Variants in LMX1A observed in about 807,000 individuals in gnomAD.
LMX1A encodes LIM homeobox transcription factor 1 alpha, also known as LIM homeobox transcription factor 1-alpha.
In LMX1A, 15 loss-of-function variants were observed where a neutral mutation model predicts 49.1. That is an observed-to-expected ratio of 0.31 (90% CI 0.20 to 0.47). The LOEUF is 0.47. Ranked by LOEUF, LMX1A falls within the 20% of genes least tolerant of loss-of-function variation. LMX1A has a pLI of 1.00. For synonymous variants in LMX1A, 167 were observed against 185.7 expected (o/e 0.90, Z 0.82); for missense variants, 372 against 475.8 (o/e 0.78, Z 2.03).
Position 165,353,089 on chromosome 1 carries a change from A to G in LMX1A, c.250T>C (p.Tyr84His), listed in dbSNP as rs1052234781. 7.4e-6 allele frequency: 12 copies of G among 1,614,178 alleles called. No homozygotes were observed. The highest frequency in any genetic ancestry group is 1.7e-5 in the Admixed American group (1 of 60,034). Residue 84 changes from tyrosine to histidine, a missense_variant, in exon 3 of 9, where the codon TAT (tyrosine) becomes CAT (histidine). By Grantham distance (83) the Tyr-to-His change is moderately conservative. This residue lies in a region of LMX1A where 199 missense variants were observed against 244.0 expected (regional missense o/e 0.82). Coordinates refer to ENST00000342310, the MANE Select transcript of LMX1A (RefSeq NM_177398.4). ...GCGGCCACTTACTTCTCGTAGTCAT[A>G]CTTGCAGTACAGCTTCTTGTCCCGG... ...FYRDKKLYCK[Y>H]DYEKLFAVKC...
At chr1:165,218,679 G>C (rs148669897) in intron 4 of LMX1A, 1 of 152,330 alleles carries the variant, frequency 6.6e-6, no homozygotes, top group Non-Finnish European at 1.5e-5. Context: ...TTGTTCACGA[G>C]AAAGGACATT....
intron 6 of LMX1A, 139 bp downstream of exon 6, chr1:165,210,559 AT>A: frequency 2.0e-6 from 1 of 488,060 alleles, no homozygotes; most frequent in Non-Finnish European, 3.6e-6. Context: ...ATAATTATTG[AT>A]AACAGAATTT....
intron 3 of LMX1A, among the ~76,000 whole-genome samples, chr1:165,269,775 C>T (rs1160873682): frequency 6.6e-6 from 1 of 152,150 alleles, no homozygotes; most frequent in Non-Finnish European, 1.5e-5. Context: ...CCATTATTCT[C>T]AGCAAACTGT....
At chr1:165,280,108 C>A (rs1654102600) in intron 3 of LMX1A, among the ~76,000 whole-genome samples, 1 of 152,114 alleles carries the variant, frequency 6.6e-6, no homozygotes, top group African/African-American at 2.4e-5. Context: ...TTAACAAACC[C>A]CCAAACAAAG....
chr1:165,238,772 T>A (rs1012055667), intron 4 of LMX1A, among the ~76,000 whole-genome samples: 1 of 152,208 alleles, frequency 6.6e-6, no homozygotes, highest in African/African-American at 2.4e-5. Flanking sequence ...TAAGGTTCAT[T>A]TTCATATACA....
chr1:165,277,987 C>T (rs1031823367), intron 3 of LMX1A, among the ~76,000 whole-genome samples: 2 of 152,212 alleles, frequency 1.3e-5, no homozygotes, highest in African/African-American at 4.8e-5. Context: ...ATACTGTGTG[C>T]TAGTTGCTAT....
chr1:165,243,000 C>A (rs1652715570), intron 4 of LMX1A, among the ~76,000 whole-genome samples: 1 of 149,950 alleles, frequency 6.7e-6, no homozygotes, highest in African/African-American at 2.4e-5. Flanking sequence ...GGATTCAATT[C>A]TGGAATGGAT....
intron 3 of LMX1A, among the ~76,000 whole-genome samples, chr1:165,293,722 C>T (rs999199433): frequency 7.2e-5 from 11 of 152,126 alleles, no homozygotes; most frequent in African/African-American, 2.7e-4. Context: ...TGGTCAGGGC[C>T]CATTTTCTGG....
chr1:165,216,047 T>G (rs768000281), intron 4 of LMX1A: 11 of 151,960 alleles, frequency 7.2e-5, no homozygotes, highest in Non-Finnish European at 1.6e-4. Flanking sequence ...CCCACAAGAT[T>G]AAAGAAGAGA....
At chr1:165,346,849 G>A (rs567709709) in intron 3 of LMX1A, among the ~76,000 whole-genome samples, 4 of 152,158 alleles carry the variant, frequency 2.6e-5, no homozygotes, top group East Asian at 1.9e-4. Context: ...TAATCCTCCC[G>A]TTAATTAACA....
At chr1:165,247,050 T>TTTTC (rs1329207417) in intron 4 of LMX1A, among the ~76,000 whole-genome samples, 1 of 138,434 alleles carries the variant, frequency 7.2e-6, no homozygotes, top group East Asian at 2.1e-4. Context: ...CAGATCAGCT[T>TTTTC]TTTCTTTTTT....
intron 3 of LMX1A, among the ~76,000 whole-genome samples, chr1:165,317,216 T>C (rs1476391952): frequency 6.6e-6 from 1 of 151,950 alleles, no homozygotes; most frequent in African/African-American, 2.4e-5. Flanking sequence ...CCCCAATAGT[T>C]CCAAGTCTAG....
At chr1:165,210,872 T>C (rs749041455) in intron 5 of LMX1A, 96 bp from the exon 6 acceptor site, 4 of 739,900 alleles carry the variant, frequency 5.4e-6, no homozygotes, top group Admixed American at 2.5e-5. Flanking sequence ...CAAAAGACTG[T>C]ATCTGCTTTA....
At chr1:165,341,970 C>T (rs1481661140) in intron 3 of LMX1A, among the ~76,000 whole-genome samples, 1 of 152,184 alleles carries the variant, frequency 6.6e-6, no homozygotes, top group East Asian at 1.9e-4. Context: ...ATTCCAGTTG[C>T]TCATGTGTTA....
At chr1:165,345,711 A>C (rs557305958) in intron 3 of LMX1A, among the ~76,000 whole-genome samples, 44 of 152,364 alleles carry the variant, frequency 2.9e-4, no homozygotes, top group Non-Finnish European at 1.0e-4. Context: ...CTGAGTGGTC[A>C]CATGACTGTT....
At chr1:165,330,443 C>T (rs1399925310) in intron 3 of LMX1A, among the ~76,000 whole-genome samples, 1 of 152,190 alleles carries the variant, frequency 6.6e-6, no homozygotes, top group Admixed American at 6.5e-5. Flanking sequence ...TGCACTCCAG[C>T]CTAGGCAGAA....
intron 4 of LMX1A, among the ~76,000 whole-genome samples, chr1:165,230,149 C>G (rs1652188889): frequency 6.6e-6 from 1 of 152,154 alleles, no homozygotes; most frequent in Non-Finnish European, 1.5e-5. Flanking sequence ...AGTGTTTGGA[C>G]CCTGACCTCC....
intron 3 of LMX1A, among the ~76,000 whole-genome samples, chr1:165,279,857 A>G (rs1024619387): frequency 6.6e-6 from 1 of 152,058 alleles, no homozygotes; most frequent in South Asian, 2.1e-4. Context: ...AGTCGTTTAC[A>G]TGACCCTTTT....
chr1:165,219,661 T>C (rs1253058959), intron 4 of LMX1A, among the ~76,000 whole-genome samples: 1 of 152,244 alleles, frequency 6.6e-6, no homozygotes, highest in Admixed American at 6.5e-5. Context: ...GCTACTGTTT[T>C]GAAACTGTCT....
Sources: gnomAD v4.1 joint callset for allele counts (sites outside exome capture counted in the v4.1 genomes callset) on GRCh38, gnomAD v4.1.1 for gene constraint, gnomAD v4.1.1 regional missense constraint, MANE v1.5 for transcripts, NCBI Gene and HGNC (gene_info 2026-07-23, HGNC 2026-07-21) for gene names.